Variants in NGEF observed in about 807,000 individuals in gnomAD.
The protein encoded by NGEF is ephexin-1.
Under a neutral mutation model 80.9 loss-of-function variants are expected in NGEF, and 31 were observed. The ratio of observed to expected loss-of-function variants is 0.38; its 90% CI spans 0.29 to 0.52. The LOEUF is 0.52. Among genes scored for constraint, NGEF ranks in the 20% least tolerant of loss-of-function variants. The probability of loss-of-function intolerance (pLI) is 0.84; values close to 1 mark genes in which losing one functional copy is unlikely to be tolerated. For missense variants in NGEF, 709 were observed against 926.2 expected (o/e 0.77, Z 3.04); for synonymous variants, 371 against 370.2 (o/e 1.00, Z -0.03).
chr2:232,879,965 G>T (rs896122234), intron 14 of NGEF, among the ~76,000 whole-genome samples: 6 of 150,494 alleles, frequency 4.0e-5, no homozygotes, highest in Non-Finnish European at 8.9e-5. Flanking sequence ...ATTCTATGCT[G>T]CCCTACACGA....
chr2:232,890,918 C>T (rs1346198151), intron 8 of NGEF: 2 of 471,462 alleles, frequency 4.2e-6, no homozygotes, highest in Non-Finnish European at 8.8e-6. Flanking sequence ...CGCTGCTGGC[C>T]TTTCTGTCCA....
chr2:232,988,084 A>T (rs62193967), intron 1 of NGEF, among the ~76,000 whole-genome samples: 106 of 91,796 alleles, frequency 1.2e-3, no homozygotes, highest in South Asian at 3.6e-3. Flanking sequence ...TGTGTGTGTG[A>T]GTGACAATCT....
At chr2:232,900,702 TCA>T (rs1575003343) in intron 5 of NGEF, among the ~76,000 whole-genome samples, 1 of 130,844 alleles carries the variant, frequency 7.6e-6, no homozygotes. Context: ...ACACGTTCAC[TCA>T]CATTCACACA....
At chr2:232,978,967 C>T (rs1218979140) in intron 1 of NGEF, among the ~76,000 whole-genome samples, 4 of 152,178 alleles carry the variant, frequency 2.6e-5, no homozygotes, top group Admixed American at 6.5e-5. Context: ...GTGCTGTGTT[C>T]GCTGCTCTGT....
intron 3 of NGEF, among the ~76,000 whole-genome samples, chr2:232,964,188 A>T (rs1395262137): frequency 1.3e-5 from 2 of 152,194 alleles, no homozygotes; most frequent in African/African-American, 2.4e-5. Context: ...GCCTGTTTTT[A>T]ATAAATTTAA....
intron 3 of NGEF, among the ~76,000 whole-genome samples, chr2:232,927,399 G>T (rs2675960): frequency 0.42 from 63,338 of 151,888 alleles, 13,402 homozygotes; most frequent in Non-Finnish European, 0.45. Context: ...ACCGGGTGAT[G>T]CATTTCCACA....
intron 4 of NGEF, among the ~76,000 whole-genome samples, chr2:232,924,692 T>A (rs974516863): frequency 1.3e-5 from 2 of 152,248 alleles, no homozygotes; most frequent in East Asian, 3.8e-4. Flanking sequence ...TTTGGCTGAA[T>A]GAACCAACTC....
chr2:232,909,289 G>A (rs959331872), intron 5 of NGEF, among the ~76,000 whole-genome samples: 10 of 151,998 alleles, frequency 6.6e-5, no homozygotes, highest in African/African-American at 1.7e-4. Flanking sequence ...TTGAAGATCC[G>A]TGTATTTTTC....
At chr2:232,888,553 A>G (rs964962339) in intron 8 of NGEF, among the ~76,000 whole-genome samples, 24 of 151,912 alleles carry the variant, frequency 1.6e-4, no homozygotes, top group Non-Finnish European at 2.7e-4. Context: ...ACATACATGC[A>G]TACCTGCACA....
intron 3 of NGEF, among the ~76,000 whole-genome samples, chr2:232,961,957 A>G (rs1007596079): frequency 2.6e-5 from 4 of 152,206 alleles, no homozygotes; most frequent in Non-Finnish European, 5.9e-5. Flanking sequence ...GGCCCCCAAG[A>G]AAAGGATAAA....
intron 5 of NGEF, among the ~76,000 whole-genome samples, chr2:232,900,104 TCA>T (rs1302589511): frequency 2.9e-5 from 4 of 137,930 alleles, no homozygotes; most frequent in South Asian, 2.4e-4. Context: ...ACACATGCTC[TCA>T]GTCACTCATA....
intron 3 of NGEF, among the ~76,000 whole-genome samples, chr2:232,939,431 C>T (rs1375605777): frequency 6.6e-6 from 1 of 152,018 alleles, no homozygotes; most frequent in Non-Finnish European, 1.5e-5. Context: ...ATTGCCTTAA[C>T]CATTAACCAA....
chr2:232,950,194 A>AT (rs748613953), intron 3 of NGEF, among the ~76,000 whole-genome samples: 4 of 152,010 alleles, frequency 2.6e-5, no homozygotes, highest in Non-Finnish European at 5.9e-5. Context: ...AGTGAAGTTT[A>AT]TTTTTTTGGT....
intron 5 of NGEF, among the ~76,000 whole-genome samples, chr2:232,900,662 T>TCA (rs71405715): frequency 5.2e-5 from 6 of 116,100 alleles, no homozygotes; most frequent in Non-Finnish European, 1.1e-4. Context: ...TCACATTCAC[T>TCA]CACACACACA....
At chr2:233,004,063 T>C (rs1695036282) in intron 1 of NGEF, among the ~76,000 whole-genome samples, 1 of 152,138 alleles carries the variant, frequency 6.6e-6, no homozygotes, top group South Asian at 2.1e-4. Flanking sequence ...GCCGACTTCA[T>C]TTCTGCAGCA....
At chr2:232,932,825 C>T (rs1355011152) in intron 3 of NGEF, among the ~76,000 whole-genome samples, 1 of 151,886 alleles carries the variant, frequency 6.6e-6, no homozygotes, top group African/African-American at 2.4e-5. Context: ...CACTAAGGGC[C>T]GAGTGCGGTG....
chr2:232,898,123 T>G (rs1692157936), intron 5 of NGEF, among the ~76,000 whole-genome samples: 1 of 152,260 alleles, frequency 6.6e-6, no homozygotes, highest in Admixed American at 6.5e-5. Flanking sequence ...TTCCTGCTGC[T>G]AAATTTAAGT....
intron 5 of NGEF, among the ~76,000 whole-genome samples, chr2:232,906,624 A>AG (rs1247658109): frequency 1.2e-4 from 8 of 64,500 alleles, no homozygotes; most frequent in South Asian, 4.1e-4. Flanking sequence ...CTGCCCGGCC[A>AG]CCCCTACTGG....
intron 13 of NGEF, 126 bp downstream of exon 13, chr2:232,882,060 G>T (rs1301021903): frequency 2.5e-6 from 2 of 812,816 alleles, no homozygotes; most frequent in African/African-American, 1.7e-5. Context: ...CTGGAGGCCC[G>T]TGCAGGCCTC....
Sources: gnomAD v4.1 joint callset for allele counts (sites outside exome capture counted in the v4.1 genomes callset) on GRCh38, gnomAD v4.1.1 for gene constraint, MANE v1.5 for transcripts, NCBI Gene and HGNC (gene_info 2026-07-23, HGNC 2026-07-21) for gene names.